EYS: variants seen among roughly 807,000 people sequenced by gnomAD.
EYS encodes the protein protein eyes shut homolog.
In EYS, 250 loss-of-function variants were observed where a neutral mutation model predicts 282.1. That is an observed-to-expected ratio of 0.89 (90% CI 0.80 to 0.98). EYS has a LOEUF of 0.98. Among genes scored for constraint, EYS ranks in the 50% least tolerant of loss-of-function variants. EYS has a pLI of 0.00. For missense variants in EYS, 4,016 were observed against 3,709.0 expected (o/e 1.08, Z -2.15); for synonymous variants, 1,355 against 1,282.9 (o/e 1.06, Z -1.20).
At chr6:65,336,012 ACT>A (rs566713295) in intron 10 of EYS, among the ~76,000 whole-genome samples, 189 of 149,906 alleles carry the variant, frequency 1.3e-3, no homozygotes, top group Non-Finnish European at 2.3e-3. Context: ...CTCTCCCTTT[ACT>A]CTCTCTCCTG....
At chr6:65,316,260 C>A (rs559155836) in intron 11 of EYS, among the ~76,000 whole-genome samples, 1 of 152,172 alleles carries the variant, frequency 6.6e-6, no homozygotes, top group South Asian at 2.1e-4. Flanking sequence ...TCCAATGTAT[C>A]CATCTTTTCT....
At chr6:65,622,944 G>T (rs921214759) in intron 2 of EYS, among the ~76,000 whole-genome samples, 61 of 151,972 alleles carry the variant, frequency 4.0e-4, no homozygotes, top group Admixed American at 2.6e-4. Flanking sequence ...TATTCGTACA[G>T]CTGAGATCTG....
chr6:64,851,506 T>C (rs1765884408), intron 19 of EYS, among the ~76,000 whole-genome samples: 1 of 152,076 alleles, frequency 6.6e-6, no homozygotes, highest in African/African-American at 2.4e-5. Context: ...TTTGATGTTA[T>C]TTAGATTAAA....
intron 19 of EYS, among the ~76,000 whole-genome samples, chr6:64,870,273 T>A (rs55984317): frequency 0.15 from 23,444 of 151,458 alleles, 2,134 homozygotes; most frequent in East Asian, 0.49. Flanking sequence ...AAAATGTGCA[T>A]ATTAGAAAGT....
intron 29 of EYS, among the ~76,000 whole-genome samples, chr6:64,373,453 CTG>C (rs1156548110): frequency 1.3e-5 from 2 of 152,156 alleles, no homozygotes; most frequent in African/African-American, 4.8e-5. Flanking sequence ...AAACTGCTGT[CTG>C]TGTGCTTCAT....
intron 16 of EYS, among the ~76,000 whole-genome samples, chr6:64,905,509 C>T (rs187256441): frequency 6.6e-5 from 10 of 152,264 alleles, no homozygotes; most frequent in South Asian, 4.1e-4. Flanking sequence ...TACACTGTCT[C>T]GTCTGTGTAT....
At chr6:64,343,253 A>T (rs1771210305) in intron 29 of EYS, among the ~76,000 whole-genome samples, 1 of 151,432 alleles carries the variant, frequency 6.6e-6, no homozygotes, top group South Asian at 2.1e-4. Context: ...CAGAATATAC[A>T]TTTTTTTTCA....
At chr6:64,834,786 A>C (rs1050204283) in intron 19 of EYS, among the ~76,000 whole-genome samples, 2 of 151,796 alleles carry the variant, frequency 1.3e-5, no homozygotes, top group Non-Finnish European at 2.9e-5. Context: ...AGTGATAATC[A>C]CAGGACTTTC....
chr6:65,615,382 TTATTTA>T (rs1301322832), intron 2 of EYS, among the ~76,000 whole-genome samples: 4 of 107,962 alleles, frequency 3.7e-5, no homozygotes, highest in Non-Finnish European at 5.8e-5. Flanking sequence ...TTCATTTTAT[TTATTTA>T]TATATATATA....
At chr6:64,593,794 T>C (rs756078386) in intron 24 of EYS, among the ~76,000 whole-genome samples, 1 of 152,166 alleles carries the variant, frequency 6.6e-6, no homozygotes, top group Non-Finnish European at 1.5e-5. Context: ...GTAGGAATGA[T>C]CTTTATGTGT....
In EYS at chr6:65,468,229, G is replaced by T. The variant is rs1009783718; in HGVS notation, c.862+22365C>A. Among the ~76,000 whole-genome samples, 3 of 152,118 alleles carry T rather than the reference G, an allele frequency of 2.0e-5. No individual in the cohort carries two copies. The East Asian group carries it at 5.8e-4, about 29-fold the overall frequency. Reference sequence around the variant, plus strand: ...CTGATGCTTCTTCCTAATCAGAGCCGAAGCTACAAGAAGAGACAGTGACAC... The same window carrying T: ...CTGATGCTTCTTCCTAATCAGAGCCTAAGCTACAAGAAGAGACAGTGACAC... On this transcript the variant is annotated intron_variant, in intron 5 of 42. Coordinates refer to ENST00000503581, the MANE Select transcript of EYS (RefSeq NM_001142800.2).
chr6:63,898,383 C>T (rs1773585614), intron 35 of EYS, among the ~76,000 whole-genome samples: 2 of 151,948 alleles, frequency 1.3e-5, no homozygotes, highest in African/African-American at 4.8e-5. Flanking sequence ...CCCAGCTGCT[C>T]AGGAGGCTGA....
At chr6:63,896,036 A>G (rs1026131292) in intron 35 of EYS, among the ~76,000 whole-genome samples, 5 of 151,764 alleles carry the variant, frequency 3.3e-5, no homozygotes, top group Admixed American at 2.6e-4. Flanking sequence ...AGTGTTTACC[A>G]CATTATTGGA....
chr6:65,173,937 A>C (rs2150229040), intron 12 of EYS, among the ~76,000 whole-genome samples: 1 of 151,422 alleles, frequency 6.6e-6, no homozygotes, highest in African/African-American at 2.4e-5. Flanking sequence ...CATAGCCTTA[A>C]GTGTATGCTT....
At chr6:63,884,922 A>T (rs1773226812) in intron 35 of EYS, among the ~76,000 whole-genome samples, 1 of 152,072 alleles carries the variant, frequency 6.6e-6, no homozygotes, top group Non-Finnish European at 1.5e-5. Context: ...ATAATACGCT[A>T]TCTTAATCTT....
At chr6:63,889,167 G>A (rs1244436562) in intron 35 of EYS, among the ~76,000 whole-genome samples, 1 of 152,190 alleles carries the variant, frequency 6.6e-6, no homozygotes, top group African/African-American at 2.4e-5. Context: ...ACATTGATTG[G>A]TGTACCTGAA....
chr6:65,243,740 A>G (rs1767111070), intron 12 of EYS, among the ~76,000 whole-genome samples: 1 of 152,034 alleles, frequency 6.6e-6, no homozygotes, highest in African/African-American at 2.4e-5. Flanking sequence ...CCCCATTTCT[A>G]CAGAAAAATA....
At chr6:64,282,969 C>G (rs1582532116) in intron 30 of EYS, among the ~76,000 whole-genome samples, 1 of 152,266 alleles carries the variant, frequency 6.6e-6, no homozygotes, top group Admixed American at 6.5e-5. Context: ...TGTCTTGTCA[C>G]TGCTCAAAAC....
chr6:63,856,266 G>A (rs776537248), intron 36 of EYS, among the ~76,000 whole-genome samples: 7 of 152,120 alleles, frequency 4.6e-5, no homozygotes, highest in South Asian at 2.1e-4. Flanking sequence ...TCCACACATG[G>A]TCTGCAAGAC....
Sources: allele counts gnomAD v4.1 joint callset (sites outside exome capture counted in the v4.1 genomes callset), GRCh38; gene constraint gnomAD v4.1.1; transcripts MANE v1.5; gene names NCBI Gene and HGNC (gene_info 2026-07-23, HGNC 2026-07-21).